Variants in FREM1 observed in about 807,000 individuals in gnomAD.
FREM1 encodes FRAS1-related extracellular matrix protein 1.
In FREM1, 220 loss-of-function variants were observed where a neutral mutation model predicts 210.1. The observed-to-expected ratio is 1.05, with a 90% CI of 0.94 to 1.17. The LOEUF is 1.17. Ranked by LOEUF, FREM1 falls within the 50% of genes most tolerant of loss-of-function variation. FREM1 has a pLI of 0.00. For missense variants in FREM1, 3,454 were observed against 2,675.5 expected (o/e 1.29, Z -6.42); for synonymous variants, 1,189 against 980.2 (o/e 1.21, Z -3.98).
At position 14,797,536 on chromosome 9, in the gene FREM1, C is replaced by T; in HGVS notation, c.3801G>A (p.Glu1267=). ...KHKILKTISV[E]VIPVNDEKPM... The stretch of plus-strand genomic sequence containing the variant: ...GTTTTTCATCATTAACTGGGATGAC[C>T]TCTACTGAAATGGTTTTAAGTATCT... Residue 1267 remains glutamate (E), a synonymous_variant, in exon 21 of 37, where the codon GAG becomes GAA. Transcript: ENST00000380880. The T allele has an allele frequency of 6.2e-7, 1 of 1,611,478 alleles. No individual in the cohort carries two copies. The highest frequency in any genetic ancestry group is 8.5e-7 in the Non-Finnish European group (1 of 1,178,486).
At chr9:14,773,543 G>C (rs994780704) in intron 25 of FREM1, among the ~76,000 whole-genome samples, 1 of 151,914 alleles carries the variant, frequency 6.6e-6, no homozygotes, top group Non-Finnish European at 1.5e-5. Flanking sequence ...AAGAGACTGA[G>C]GGTTCTGGGG....
chr9:14,774,519 C>A (rs1848213079), intron 25 of FREM1, among the ~76,000 whole-genome samples: 1 of 12,116 alleles, frequency 8.3e-5, no homozygotes, highest in East Asian at 6.0e-4. Flanking sequence ...AAATCTCTCT[C>A]TCTCTCTCTC....
Position 14,748,264 on chromosome 9 carries a change from C to CTG in FREM1, c.5796+135_5796+136dup, listed in dbSNP as rs532964953. The CTG allele has an allele frequency of 1.3e-5, 8 of 617,560 alleles. No homozygotes were observed. The East Asian group carries it at 2.2e-4, about 17-fold the overall frequency. The allele number at this position is 617,560 out of a possible 1,614,324, so 38.3% of individuals were successfully genotyped here. A position where few individuals can be genotyped will look rare whatever the true frequency, so the allele number is the denominator to read the frequency against. ...TTTGTATACAGAAGGCACTGCATAACTGTGCAAGGAACCATGGCCCCCACT... is the reference window on the plus strand; with the variant it reads ...TTTGTATACAGAAGGCACTGCATAACTGTGTGCAAGGAACCATGGCCCCCACT... On this transcript the variant is annotated intron_variant, in intron 31 of 36. Transcript: ENST00000380880.
In FREM1 at chr9:14,807,476, A is replaced by C. The variant is rs569785492; in HGVS notation, c.3088+464T>G. ...AGAACATATACATAATGCCTATGAA[A>C]AGATGACTTTCTAAAAAGCAAATAA... is the stretch of plus-strand genomic sequence containing the variant. On this transcript the variant is annotated intron_variant, in intron 17 of 36. Coordinates refer to ENST00000380880, the MANE Select transcript of FREM1 (RefSeq NM_001379081.2). Among the ~76,000 whole-genome samples, 5 of 152,300 alleles carry C rather than the reference A, an allele frequency of 3.3e-5. No homozygotes were observed. The East Asian group carries it at 9.7e-4, about 29-fold the overall frequency.
chr9:14,759,245 C>T lies in FREM1; in HGVS notation c.5334+527G>A, dbSNP rs113478768. Among the ~76,000 whole-genome samples, 550 of 152,232 alleles carry T rather than the reference C, an allele frequency of 3.6e-3. 5 individuals carry two copies. The highest frequency in any genetic ancestry group is 0.013 in the African/African-American group (521 of 41,536). ...AATATCTCAGCCAGGCAAGGTGGCT[C>T]ACGCTTGTAATCCCAGCACTTTCGA... On this transcript the variant is annotated intron_variant, in intron 28 of 36. Transcript: ENST00000380880.
chr9:14,835,214 G>A (rs1270101540), intron 10 of FREM1, among the ~76,000 whole-genome samples: 1 of 152,168 alleles, frequency 6.6e-6, no homozygotes, highest in Non-Finnish European at 1.5e-5. Context: ...CAGAGTCAAG[G>A]AAACTTATTT....
chr9:14,751,061 A>G (rs1404738129), intron 29 of FREM1, among the ~76,000 whole-genome samples: 1 of 152,246 alleles, frequency 6.6e-6, no homozygotes. Context: ...GACTGCAAGA[A>G]GAAACTTCTG....
In FREM1 at chr9:14,747,444, A is replaced by T; in HGVS notation, c.5845-16T>A. 1 of 1,607,266 alleles carries T rather than the reference A, an allele frequency of 6.2e-7. No individual in the cohort carries two copies. The highest frequency in any genetic ancestry group is 8.5e-7 in the Non-Finnish European group (1 of 1,177,068). On this transcript the variant is annotated splice_polypyrimidine_tract_variant and intron_variant, in intron 32 of 36. Transcript: ENST00000380880. ...TCCCATGATACTTGAGGAAACCAAC[A>T]ATCAACAACAATAAGGAAAAAACAA...
At chr9:14,810,215 A>G (rs1819152662) in intron 16 of FREM1, among the ~76,000 whole-genome samples, 1 of 152,098 alleles carries the variant, frequency 6.6e-6, no homozygotes, top group Non-Finnish European at 1.5e-5. Context: ...AGAGAAATGA[A>G]AAGTCACTCT....
rs529960142 is a variant in FREM1 at position 14,760,424 on chromosome 9, G to T, written c.5205-523C>A. Among the ~76,000 whole-genome samples, 2 of 152,100 alleles carry T rather than the reference G, an allele frequency of 1.3e-5. 1 individual carries two copies. The highest frequency in any genetic ancestry group is 4.1e-4 in the South Asian group (2 of 4,828). ...TGCTTGGGAATTAAAATGTACATGTGTTTCATAAGTGTTATTTGTTTCTCT... is the reference window on the plus strand; with the variant it reads ...TGCTTGGGAATTAAAATGTACATGTTTTTCATAAGTGTTATTTGTTTCTCT... On this transcript the variant is annotated intron_variant, in intron 27 of 36. Transcript: ENST00000380880.
rs762416611 is a variant in FREM1 at position 14,784,405 on chromosome 9, G to C, written c.4407C>G (p.His1469Gln). Residue 1469 changes from histidine to glutamine, a missense_variant, in exon 24 of 37, where the codon CAC (histidine) becomes CAG (glutamine). By Grantham distance (24) the His-to-Gln change is conservative. Coordinates refer to ENST00000380880, the MANE Select transcript of FREM1 (RefSeq NM_001379081.2). The part of the protein sequence containing the change: ...DVVGQTVCYV[H>Q]KSKVTVSSDR... Reference sequence around the variant, plus strand: ...CACTGGAGACAGTCACCTTGCTCTTGTGTACATAGCAAACTGTCTGCCCCA... The same window carrying C: ...CACTGGAGACAGTCACCTTGCTCTTCTGTACATAGCAAACTGTCTGCCCCA... 2 of 1,613,850 alleles carry C rather than the reference G, an allele frequency of 1.2e-6. No homozygotes were observed. Among genetic ancestry groups the C allele is most frequent in the East Asian group, 2.2e-5 (1 of 44,876 alleles).
intron 16 of FREM1, 115 bp from the exon 17 acceptor site, chr9:14,808,249 G>A (rs1335338816): frequency 2.0e-5 from 12 of 611,468 alleles, no homozygotes; most frequent in Middle Eastern, 2.8e-4. Context: ...GAAGTTATGT[G>A]GATAAAATAA....
At chr9:14,891,396 T>C (rs1374298867) in intron 1 of FREM1, among the ~76,000 whole-genome samples, 1 of 152,076 alleles carries the variant, frequency 6.6e-6, no homozygotes, top group African/African-American at 2.4e-5. Flanking sequence ...GAGTGTACAG[T>C]GTAATTCAGA....
intron 13 of FREM1, among the ~76,000 whole-genome samples, chr9:14,822,274 C>A (rs754694087): frequency 4.6e-5 from 7 of 152,132 alleles, no homozygotes; most frequent in Non-Finnish European, 7.3e-5. Context: ...CTAATACACC[C>A]ATCAAAACTT....
intron 1 of FREM1, among the ~76,000 whole-genome samples, chr9:14,889,165 A>G (rs995884365): frequency 6.6e-6 from 1 of 152,254 alleles, no homozygotes; most frequent in African/African-American, 2.4e-5. Flanking sequence ...CTGTTTCTCT[A>G]GTTTATGTCT....
In FREM1 at chr9:14,842,803, G is replaced by A. The variant is rs905141546; in HGVS notation, c.1394-143C>T. Reference sequence around the variant, plus strand: ...CACCTGGAAAAACTACAGATTGTTAGTGGGTTCTGGGAGAACATATCTAGT... The same window carrying A: ...CACCTGGAAAAACTACAGATTGTTAATGGGTTCTGGGAGAACATATCTAGT... On this transcript the variant is annotated intron_variant, in intron 8 of 36. Coordinates refer to ENST00000380880, the MANE Select transcript of FREM1 (RefSeq NM_001379081.2). 3.7e-5 allele frequency: 23 copies of A among 619,894 alleles called. No individual in the cohort carries two copies. In the Admixed American group the frequency reaches 4.3e-4, roughly 12 times the overall value. The allele number at this position is 619,894 out of a possible 1,614,324, so 38.4% of individuals were successfully genotyped here. A position where few individuals can be genotyped will look rare whatever the true frequency, so the allele number is the denominator to read the frequency against.
intron 1 of FREM1, among the ~76,000 whole-genome samples, chr9:14,885,343 C>T (rs2132251064): frequency 6.6e-6 from 1 of 152,206 alleles, no homozygotes; most frequent in East Asian, 1.9e-4. Flanking sequence ...CCCCTTGACT[C>T]ACACAATTAT....
chr9:14,780,450 A>T (rs901842163), intron 24 of FREM1, among the ~76,000 whole-genome samples: 1 of 150,882 alleles, frequency 6.6e-6, no homozygotes, highest in Non-Finnish European at 1.5e-5. Flanking sequence ...AAAAAAAAAA[A>T]GTCCAGCCGG....
At chr9:14,899,506 G>C (rs977846051) in intron 1 of FREM1, among the ~76,000 whole-genome samples, 1 of 152,202 alleles carries the variant, frequency 6.6e-6, no homozygotes, top group African/African-American at 2.4e-5. Context: ...TAAAGTATCT[G>C]AATGTCTGAT....
Sources: allele counts gnomAD v4.1 joint callset (sites outside exome capture counted in the v4.1 genomes callset), GRCh38; gene constraint gnomAD v4.1.1; transcripts MANE v1.5; gene names NCBI Gene and HGNC (gene_info 2026-07-23, HGNC 2026-07-21).